Variants in PIGK observed in about 807,000 individuals in gnomAD.
PIGK encodes the protein GPI-anchor transamidase.
PIGK carries 42 observed loss-of-function variants against 50.6 expected under a neutral mutation model. The observed-to-expected ratio is 0.83, with a 90% CI of 0.65 to 1.07. PIGK has a LOEUF of 1.07. Among genes scored for constraint, PIGK ranks in the 50% least tolerant of loss-of-function variants. The probability of loss-of-function intolerance (pLI) is 0.00; values close to 1 mark genes in which losing one functional copy is unlikely to be tolerated. For synonymous variants in PIGK, 151 were observed against 156.0 expected, an observed-to-expected ratio of 0.97 and a Z score of 0.24; for missense variants, 448 against 488.7, an observed-to-expected ratio of 0.92 and a Z score of 0.78.
chr1:77,219,342 A>C lies in PIGK; in HGVS notation c.61T>G (p.Ser21Ala), dbSNP rs768411624. Residue 21 changes from serine to alanine, a missense_variant, in exon 1 of 11, where the codon TCC becomes GCC. By Grantham distance (99) the Ser-to-Ala change is moderately conservative. Transcript: ENST00000370812. ...TGACTAGCGGCCACGCTGCCGAAGG[A>C]CAAGAGCAACACAGTTGCCAAGACA... ...ATVLATVLLL[S>A]FGSVAASHIE... 1 of 1,613,834 alleles carries C rather than the reference A, an allele frequency of 6.2e-7. No homozygotes were observed. The highest frequency in any genetic ancestry group is 1.7e-5 in the Admixed American group (1 of 60,032).
At chr1:77,194,467 C>T (rs1233437295) in intron 3 of PIGK, among the ~76,000 whole-genome samples, 1 of 151,992 alleles carries the variant, frequency 6.6e-6, no homozygotes, top group Non-Finnish European at 1.5e-5. Context: ...TAAAAAAACA[C>T]ACAATTTTGC....
chr1:77,108,632 TGG>T (rs1653756390), intron 10 of PIGK, among the ~76,000 whole-genome samples: 1 of 152,128 alleles, frequency 6.6e-6, no homozygotes, highest in Non-Finnish European at 1.5e-5. Flanking sequence ...ATTTGAATGT[TGG>T]CCTGCCTTGC....
chr1:77,092,641 G>A (rs1327246717), intron 10 of PIGK, 151 bp from the exon 11 acceptor site: 1 of 606,302 alleles, frequency 1.6e-6, no homozygotes, highest in Non-Finnish European at 3.0e-6. Context: ...AGCAACAATG[G>A]TAAAGACTTC....
At chr1:77,131,595 A>T (rs1002124455) in intron 9 of PIGK, among the ~76,000 whole-genome samples, 1 of 152,100 alleles carries the variant, frequency 6.6e-6, no homozygotes, top group African/African-American at 2.4e-5. Flanking sequence ...TTGCCTTTTT[A>T]AAAAACATTA....
In PIGK at chr1:77,173,841, G is replaced by A. The variant is rs375863522; in HGVS notation, c.240-4446C>T. On this transcript the variant is annotated intron_variant, in intron 3 of 10. Coordinates refer to ENST00000370812, the MANE Select transcript of PIGK (RefSeq NM_005482.3). ...CCTGAAACAAACAAAAAAACTGCCT[G>A]AGGTCTCCATCTTGTTTTGTCCTTG... Among the ~76,000 whole-genome samples, 12 of 152,342 alleles carry A rather than the reference G, an allele frequency of 7.9e-5. No homozygotes were observed. In the South Asian group the frequency reaches 2.5e-3, roughly 32 times the overall value.
chr1:77,210,505 C>G lies in PIGK; in HGVS notation c.94-16G>C, dbSNP rs1656392318. ...CTGCTTGATCCTAAATAAAGCAAAA[C>G]AAATAGAAGAAAAAGGCACAATTTC... On this transcript the variant is annotated splice_polypyrimidine_tract_variant and intron_variant, in intron 1 of 10. Coordinates refer to ENST00000370812, the MANE Select transcript of PIGK (RefSeq NM_005482.3). 6.4e-7 allele frequency: 1 copy of G among 1,558,518 alleles called. No homozygotes were observed.
chr1:77,183,111 C>A (rs1326964079), intron 3 of PIGK, among the ~76,000 whole-genome samples: 2 of 152,216 alleles, frequency 1.3e-5, no homozygotes, highest in Admixed American at 6.5e-5. Context: ...AAGTGGCTGA[C>A]CTGTAATGAA....
intron 10 of PIGK, among the ~76,000 whole-genome samples, chr1:77,117,896 A>G (rs544487931): frequency 5.9e-5 from 9 of 152,300 alleles, no homozygotes; most frequent in African/African-American, 1.9e-4. Flanking sequence ...TGTTGGTACC[A>G]ATTACCACAG....
intron 5 of PIGK, among the ~76,000 whole-genome samples, chr1:77,165,573 G>A (rs6686876): frequency 0.014 from 2,029 of 147,338 alleles, 52 homozygotes; most frequent in African/African-American, 0.047. Context: ...CATATTTACC[G>A]AATACTACTA....
intron 3 of PIGK, among the ~76,000 whole-genome samples, chr1:77,205,030 A>C (rs77156706): frequency 6.6e-6 from 1 of 152,352 alleles, no homozygotes; most frequent in East Asian, 1.9e-4. Flanking sequence ...AACATTCTTC[A>C]GAAACCTAAG....
At chr1:77,205,817 GC>G (rs1265345738) in intron 3 of PIGK, among the ~76,000 whole-genome samples, 1 of 152,150 alleles carries the variant, frequency 6.6e-6, no homozygotes, top group Non-Finnish European at 1.5e-5. Context: ...TAGAAGACAT[GC>G]TCTGAGTGAA....
intron 3 of PIGK, among the ~76,000 whole-genome samples, chr1:77,205,270 T>C (rs570165741): frequency 5.9e-5 from 9 of 152,020 alleles, no homozygotes; most frequent in African/African-American, 2.2e-4. Flanking sequence ...GCTAACTACA[T>C]AGGCCTATTT....
chr1:77,206,907 C>T (rs1013577485), intron 2 of PIGK, among the ~76,000 whole-genome samples, 176 bp from the exon 3 acceptor site: 1 of 152,080 alleles, frequency 6.6e-6, no homozygotes, highest in African/African-American at 2.4e-5. Flanking sequence ...TGGCTCATGC[C>T]TGTAATACCA....
At chr1:77,116,546 C>T (rs966313589) in intron 10 of PIGK, among the ~76,000 whole-genome samples, 1 of 148,466 alleles carries the variant, frequency 6.7e-6, no homozygotes, top group Non-Finnish European at 1.5e-5. Context: ...TCTAAACAAG[C>T]TGTTTAAATG....
intron 3 of PIGK, among the ~76,000 whole-genome samples, chr1:77,186,464 T>C (rs901376936): frequency 6.6e-6 from 1 of 152,220 alleles, no homozygotes; most frequent in African/African-American, 2.4e-5. Context: ...TCTGGCTGGA[T>C]GGTCAGGGAC....
rs527710971 is a variant in PIGK at position 77,178,898 on chromosome 1, G to A, written c.240-9503C>T. Among the ~76,000 whole-genome samples the A allele has an allele frequency of 3.3e-4, 50 of 152,296 alleles. 1 individual carries two copies. Among genetic ancestry groups the A allele is most frequent in the African/African-American group, 1.2e-3 (49 of 41,574 alleles). Reference sequence around the variant, plus strand: ...CCAGAAACCCAAAATGATGGTAACTGAGAGTGGCACTAATGCCGTAAGTTT... The same window carrying A: ...CCAGAAACCCAAAATGATGGTAACTAAGAGTGGCACTAATGCCGTAAGTTT... On this transcript the variant is annotated intron_variant, in intron 3 of 10. Transcript: ENST00000370812.
Position 77,160,545 on chromosome 1 carries a change from C to T in PIGK, c.813+750G>A, listed in dbSNP as rs77256812. Among the ~76,000 whole-genome samples, 487 of 152,282 alleles carry T rather than the reference C, an allele frequency of 3.2e-3. 1 individual carries two copies. Among genetic ancestry groups the T allele is most frequent in the Non-Finnish European group, 4.7e-3 (317 of 68,032 alleles). On this transcript the variant is annotated intron_variant, in intron 8 of 10. Transcript: ENST00000370812. ...CATCTGCCTCTTTCATTAGGAACAG[C>T]CTGTGCTTGGCACTTAGCAAACACT...
In PIGK at chr1:77,130,184, ATTGTC is replaced by A. The variant is rs1654336380; in HGVS notation, c.987-7830_987-7826del. ...TTTCTTCTCTTTTAACTTTGTTTGC[ATTGTC>A]TTTTTTTTTTTTTTTTGCTATATAT... On this transcript the variant is annotated intron_variant, in intron 9 of 10. Coordinates refer to ENST00000370812, the MANE Select transcript of PIGK (RefSeq NM_005482.3). Among the ~76,000 whole-genome samples, 3 of 115,098 alleles carry A rather than the reference ATTGTC, an allele frequency of 2.6e-5. No individual in the cohort carries two copies. The South Asian group carries it at 8.6e-4, about 33-fold the overall frequency. The allele number at this position is 115,098 out of a possible 152,430, so 75.5% of individuals were successfully genotyped here.
chr1:77,147,096 G>A (rs1273883135), intron 9 of PIGK, among the ~76,000 whole-genome samples: 1 of 152,032 alleles, frequency 6.6e-6, no homozygotes, highest in Non-Finnish European at 1.5e-5. Flanking sequence ...TAGCTGGGGA[G>A]GCCTCAAAAT....
Sources: allele counts gnomAD v4.1 joint callset (sites outside exome capture counted in the v4.1 genomes callset), GRCh38; gene constraint gnomAD v4.1.1; transcripts MANE v1.5; gene names NCBI Gene and HGNC (gene_info 2026-07-23, HGNC 2026-07-21).